Variants in SCARA5 observed in about 807,000 individuals in gnomAD.
SCARA5 encodes the protein scavenger receptor class A, member 5 (putative).
In SCARA5, 45 loss-of-function variants were observed where a neutral mutation model predicts 46.3. That is an observed-to-expected ratio of 0.97 (90% confidence interval 0.76 to 1.24). The LOEUF is 1.24. Ranked by LOEUF, SCARA5 falls within the 50% of genes most tolerant of loss-of-function variation. The probability of loss-of-function intolerance (pLI) is 0.00; values close to 1 mark genes in which losing one functional copy is unlikely to be tolerated. For synonymous variants in SCARA5, 333 were observed against 306.5 expected (o/e 1.09, Z -0.90); for missense variants, 680 against 689.0 (o/e 0.99, Z 0.15).
At chr8:27,983,671 C>T (rs886076133) in intron 2 of SCARA5, among the ~76,000 whole-genome samples, 8 of 152,184 alleles carry the variant, frequency 5.3e-5, no homozygotes, top group African/African-American at 1.7e-4. Flanking sequence ...AAAACACAGT[C>T]CTGACCTCTC....
chr8:27,915,209 T>C (rs955380638), intron 4 of SCARA5, among the ~76,000 whole-genome samples: 2 of 152,086 alleles, frequency 1.3e-5, no homozygotes, highest in Admixed American at 6.5e-5. Flanking sequence ...ATTTAAGGCA[T>C]CTCTCTGTGA....
At position 27,888,064 on chromosome 8, in the gene SCARA5, CT is replaced by C. The variant is rs148971774; in HGVS notation, c.1154-8299del. Among the ~76,000 whole-genome samples, 560 of 149,012 alleles carry C rather than the reference CT, an allele frequency of 3.8e-3. 2 individuals are homozygous for C. Among genetic ancestry groups the C allele is most frequent in the Non-Finnish European group, 5.4e-3 (363 of 66,920 alleles). On this transcript the variant is annotated intron_variant, in intron 7 of 8. Transcript: ENST00000354914. The stretch of plus-strand genomic sequence containing the variant: ...TGAGGCCTGAACTCTGATTGACGGA[CT>C]TTTTTTTTTGAGACAAGGTCTGGCT...
chr8:27,914,747 G>A (rs546659922), intron 4 of SCARA5, among the ~76,000 whole-genome samples: 2 of 152,144 alleles, frequency 1.3e-5, no homozygotes, highest in African/African-American at 4.8e-5. Flanking sequence ...GGGTCCTGGG[G>A]TCCCTGCTCA....
intron 2 of SCARA5, among the ~76,000 whole-genome samples, chr8:27,982,061 C>T (rs1453221884): frequency 2.0e-5 from 3 of 152,092 alleles, no homozygotes; most frequent in South Asian, 2.1e-4. Flanking sequence ...ATGGGGAGGC[C>T]GGGCCTGGAG....
intron 8 of SCARA5, among the ~76,000 whole-genome samples, chr8:27,873,615 A>T: frequency 6.6e-6 from 1 of 151,310 alleles, no homozygotes; most frequent in African/African-American, 2.4e-5. Context: ...ATCCTATAAA[A>T]CGGCCCCACC....
Position 27,966,547 on chromosome 8 carries a change from A to G in SCARA5, c.113-5T>C. 2.5e-6 allele frequency: 4 copies of G among 1,602,970 alleles called. No homozygotes were observed. Among genetic ancestry groups the G allele is most frequent in the Non-Finnish European group, 3.4e-6 (4 of 1,177,026 alleles). On this transcript the variant is annotated splice_region_variant and splice_polypyrimidine_tract_variant and intron_variant, in intron 2 of 8. Coordinates refer to ENST00000354914, the MANE Select transcript of SCARA5 (RefSeq NM_173833.6). ...CCCGCCGTTTGTGACATGGACCTGGACAATAAGGGTAAGAGGAGGAAGGAA... is the reference window on the plus strand; with the variant it reads ...CCCGCCGTTTGTGACATGGACCTGGGCAATAAGGGTAAGAGGAGGAAGGAA...
chr8:27,980,279 G>T (rs1808593473), intron 2 of SCARA5, among the ~76,000 whole-genome samples: 1 of 152,196 alleles, frequency 6.6e-6, no homozygotes, highest in African/African-American at 2.4e-5. Flanking sequence ...TCTGTGGTGA[G>T]GAGAACTGGG....
intron 7 of SCARA5, among the ~76,000 whole-genome samples, chr8:27,888,430 A>G (rs1284564885): frequency 2.0e-5 from 3 of 152,222 alleles, no homozygotes; most frequent in Non-Finnish European, 4.4e-5. Flanking sequence ...ATGACCTGTA[A>G]GCCCTTGCTT....
chr8:27,893,269 G>A (rs1045870054), intron 7 of SCARA5, among the ~76,000 whole-genome samples: 1 of 152,162 alleles, frequency 6.6e-6, no homozygotes, highest in Non-Finnish European at 1.5e-5. Context: ...GGCTCCTGCT[G>A]TCAGCAACTT....
chr8:27,974,573 G>A (rs1020938870), intron 2 of SCARA5, among the ~76,000 whole-genome samples: 9 of 152,122 alleles, frequency 5.9e-5, no homozygotes, highest in East Asian at 1.9e-4. Flanking sequence ...TAGAGATAGC[G>A]TTTTATTGCT....
chr8:27,945,824 G>T (rs1808027518), intron 3 of SCARA5, among the ~76,000 whole-genome samples: 1 of 152,194 alleles, frequency 6.6e-6, no homozygotes, highest in Admixed American at 6.5e-5. Flanking sequence ...CAAATGTATG[G>T]AAAGCTTGAT....
chr8:27,976,634 T>C (rs1808527893), intron 2 of SCARA5, among the ~76,000 whole-genome samples: 1 of 152,102 alleles, frequency 6.6e-6, no homozygotes, highest in South Asian at 2.1e-4. Context: ...ACTCTCCCAA[T>C]TCCTACCACC....
At chr8:27,952,887 C>G (rs952959336) in intron 3 of SCARA5, among the ~76,000 whole-genome samples, 6 of 152,170 alleles carry the variant, frequency 3.9e-5, no homozygotes, top group African/African-American at 1.4e-4. Context: ...GCCAGGATAA[C>G]AGAAGGGAGC....
intron 3 of SCARA5, among the ~76,000 whole-genome samples, chr8:27,950,783 C>T (rs145471611): frequency 7.2e-5 from 11 of 151,874 alleles, no homozygotes; most frequent in African/African-American, 1.9e-4. Flanking sequence ...CAGCACTTTC[C>T]TTGAGCGTAT....
chr8:27,981,449 C>A (rs1325331243), intron 2 of SCARA5, among the ~76,000 whole-genome samples: 1 of 152,174 alleles, frequency 6.6e-6, no homozygotes. Context: ...CAGGAGCAGC[C>A]CTGGGTGACT....
rs1295900050 is a variant in SCARA5 at position 27,907,334 on chromosome 8, C to T, written c.998-88G>A. ...CATCGTCGGGTTCAAGGCTCAGCCT[C>T]CCCCATGCATCCTCTCTTAGCCTCT... is the stretch of plus-strand genomic sequence containing the variant. On this transcript the variant is annotated intron_variant, in intron 5 of 8. Transcript: ENST00000354914. The T allele has an allele frequency of 2.0e-5, 17 of 845,570 alleles. No homozygotes were observed. In the South Asian group the frequency reaches 2.8e-4, roughly 14 times the overall value. 52.4% of individuals were successfully genotyped at this position (845,570 alleles called of 1,614,324 possible).
At chr8:27,898,404 T>C (rs1228109229) in intron 7 of SCARA5, among the ~76,000 whole-genome samples, 2 of 152,156 alleles carry the variant, frequency 1.3e-5, no homozygotes, top group African/African-American at 4.8e-5. Context: ...AAAGAGGAAA[T>C]TGTGGCCGGA....
intron 3 of SCARA5, among the ~76,000 whole-genome samples, chr8:27,945,736 G>A (rs1276332287): frequency 1.3e-5 from 2 of 152,292 alleles, no homozygotes; most frequent in East Asian, 3.9e-4. Context: ...CTTTATAAAT[G>A]CCTGATTTGA....
intron 1 of SCARA5, among the ~76,000 whole-genome samples, chr8:27,988,174 G>T (rs919249589): frequency 6.6e-6 from 1 of 152,218 alleles, no homozygotes; most frequent in Admixed American, 6.5e-5. Flanking sequence ...ATCCAACGGG[G>T]CTGGCATGTT....
Sources: allele counts gnomAD v4.1 joint callset (sites outside exome capture counted in the v4.1 genomes callset), GRCh38; gene constraint gnomAD v4.1.1; transcripts MANE v1.5; gene names NCBI Gene and HGNC (gene_info 2026-07-23, HGNC 2026-07-21).